NEDD4: variants seen among roughly 807,000 people sequenced by gnomAD.
NEDD4 encodes the protein NEDD4 E3 ubiquitin protein ligase, also known as E3 ubiquitin-protein ligase NEDD4.
In NEDD4, 99 loss-of-function variants were observed where a neutral mutation model predicts 144.9. The ratio of observed to expected loss-of-function variants is 0.68; its 90% CI spans 0.58 to 0.81. NEDD4 has a LOEUF of 0.81. Ranked by LOEUF, NEDD4 falls within the 30% of genes least tolerant of loss-of-function variation. The pLI is 0.00. For missense variants in NEDD4, 985 were observed against 1,065.9 expected (o/e 0.92, Z 1.06); for synonymous variants, 318 against 350.6 (o/e 0.91, Z 1.04).
intron 9 of NEDD4, among the ~76,000 whole-genome samples, chr15:55,861,615 G>A (rs2034410586): frequency 6.6e-6 from 1 of 151,968 alleles, no homozygotes. Context: ...TGATTATTAT[G>A]CCTTGCATGC....
chr15:55,906,822 G>A (rs765878404), intron 5 of NEDD4, among the ~76,000 whole-genome samples: 17 of 152,122 alleles, frequency 1.1e-4, no homozygotes, highest in East Asian at 9.6e-4. Context: ...TAGGCTGGGC[G>A]CAGTGGCTCA....
At chr15:55,935,533 G>GT (rs1412057852) in intron 4 of NEDD4, among the ~76,000 whole-genome samples, 1 of 151,982 alleles carries the variant, frequency 6.6e-6, no homozygotes, top group Non-Finnish European at 1.5e-5. Flanking sequence ...CTGGAAAAAG[G>GT]TTTTTTACTT....
intron 1 of NEDD4, among the ~76,000 whole-genome samples, chr15:55,984,698 T>C (rs2037861800): frequency 6.6e-6 from 1 of 152,346 alleles, no homozygotes; most frequent in Non-Finnish European, 1.5e-5. Flanking sequence ...CTTATCAAAA[T>C]GCTTTTTGTT....
At chr15:55,836,550 G>T (rs1392854405) in intron 24 of NEDD4, among the ~76,000 whole-genome samples, 1 of 151,838 alleles carries the variant, frequency 6.6e-6, no homozygotes, top group Non-Finnish European at 1.5e-5. Context: ...TTTTGAGACG[G>T]AGTCTCGCTC....
At chr15:55,838,362 A>C (rs2033310986) in intron 22 of NEDD4, 147 bp downstream of exon 22, 2 of 728,172 alleles carry the variant, frequency 2.7e-6, no homozygotes, top group Non-Finnish European at 4.6e-6. Context: ...ATGTTAAAGA[A>C]AGTACAAATT....
chr15:55,970,613 G>T (rs2037591414), intron 1 of NEDD4, among the ~76,000 whole-genome samples: 1 of 152,198 alleles, frequency 6.6e-6, no homozygotes, highest in African/African-American at 2.4e-5. Context: ...GGGAAAATAA[G>T]AGAAGAGAAC....
At chr15:55,983,422 T>C (rs1329213698) in intron 1 of NEDD4, among the ~76,000 whole-genome samples, 2 of 152,168 alleles carry the variant, frequency 1.3e-5, no homozygotes, top group Non-Finnish European at 2.9e-5. Flanking sequence ...GCTGACGTTG[T>C]GCCTCTTGTT....
At chr15:55,916,706 TG>T in intron 5 of NEDD4, 1 of 1,614,058 alleles carries the variant, frequency 6.2e-7, no homozygotes, top group South Asian at 1.1e-5. Flanking sequence ...CGTTAGACGT[TG>T]AAATCCGTGT....
intron 1 of NEDD4, among the ~76,000 whole-genome samples, chr15:55,985,180 C>T (rs966457983): frequency 1.1e-4 from 17 of 152,238 alleles, no homozygotes; most frequent in Non-Finnish European, 2.2e-4. Flanking sequence ...AAAGATTCTA[C>T]TCCTATGTGA....
At chr15:55,856,696 G>C (rs1459035920) in intron 11 of NEDD4, among the ~76,000 whole-genome samples, 2 of 152,076 alleles carry the variant, frequency 1.3e-5, no homozygotes, top group Non-Finnish European at 2.9e-5. Context: ...AATGCTTCCT[G>C]AACACCACGA....
At chr15:55,926,674 G>A (rs955669769) in intron 4 of NEDD4, among the ~76,000 whole-genome samples, 7 of 152,178 alleles carry the variant, frequency 4.6e-5, no homozygotes, top group Admixed American at 1.3e-4. Flanking sequence ...GCTGAGGCAC[G>A]AGAATCGTTT....
At chr15:55,840,017 T>A (rs1261541428) in intron 21 of NEDD4, among the ~76,000 whole-genome samples, 1,696 of 34,958 alleles carry the variant, frequency 0.049, 87 homozygotes, top group Middle Eastern at 0.12. Flanking sequence ...TATATATATA[T>A]ATATATATAT....
chr15:55,855,875 C>T (rs1341188193), intron 12 of NEDD4, among the ~76,000 whole-genome samples: 3 of 152,152 alleles, frequency 2.0e-5, no homozygotes, highest in African/African-American at 7.2e-5. Flanking sequence ...CACCTCTAGC[C>T]AGCACAGCAC....
At chr15:55,830,476 T>C (rs374910058) in intron 28 of NEDD4, 38 bp downstream of exon 28, 23 of 1,572,696 alleles carry the variant, frequency 1.5e-5, no homozygotes, top group Non-Finnish European at 2.0e-5. Flanking sequence ...TCTCACTCTC[T>C]GAGGCTTTGT....
At chr15:55,936,658 G>C (rs1376332990) in intron 4 of NEDD4, among the ~76,000 whole-genome samples, 3 of 152,160 alleles carry the variant, frequency 2.0e-5, no homozygotes, top group African/African-American at 7.2e-5. Flanking sequence ...TAGGAAATGG[G>C]GTGAGGCTTT....
chr15:55,834,244 C>A lies in NEDD4; in HGVS notation c.2305G>T (p.Asp769Tyr). Residue 769 changes from aspartate (D) to tyrosine (Y), a missense_variant, in exon 25 of 29, where the codon GAT becomes TAT. Transcript: ENST00000435532. ...LIPQDLIKIFDENELELLMCG... is the reference protein window; with the variant it reads ...LIPQDLIKIFYENELELLMCG... ...TGTCTTACCTCTAGTTCATTTTCATCAAAAATTTTGATGAGATCCTGTGGT... is the reference window on the plus strand; with the variant it reads ...TGTCTTACCTCTAGTTCATTTTCATAAAAAATTTTGATGAGATCCTGTGGT... The A allele has an allele frequency of 6.2e-7, 1 of 1,610,238 alleles. No individual in the cohort carries two copies. The highest frequency in any genetic ancestry group is 8.5e-7 in the Non-Finnish European group (1 of 1,176,804).
intron 5 of NEDD4, among the ~76,000 whole-genome samples, chr15:55,887,105 C>T (rs1296610964): frequency 1.3e-5 from 2 of 150,388 alleles, no homozygotes; most frequent in Non-Finnish European, 3.0e-5. Context: ...AAAGCAAGAG[C>T]AAACCAAACC....
intron 5 of NEDD4, chr15:55,924,276 A>G (rs2036622549): frequency 5.2e-6 from 1 of 192,716 alleles, no homozygotes; most frequent in African/African-American, 2.3e-5. Context: ...CACTGTAGTG[A>G]GGAGGCGCAA....
At chr15:55,842,289 C>T (rs1336987893) in intron 18 of NEDD4, 126 bp from the exon 19 acceptor site, 4 of 742,052 alleles carry the variant, frequency 5.4e-6, no homozygotes, top group Non-Finnish European at 8.8e-6. Context: ...ACGTAATATA[C>T]TCAGGGAAAA....
Sources: allele counts gnomAD v4.1 joint callset (sites outside exome capture counted in the v4.1 genomes callset), GRCh38; gene constraint gnomAD v4.1.1; transcripts MANE v1.5; gene names NCBI Gene and HGNC (gene_info 2026-07-23, HGNC 2026-07-21).